Variants in PRR5L observed in about 807,000 individuals in gnomAD.
PRR5L encodes proline rich 5 like.
PRR5L carries 21 observed loss-of-function variants against 36.4 expected under a neutral mutation model. That is an observed-to-expected ratio of 0.58 (90% confidence interval 0.41 to 0.83). PRR5L has a LOEUF of 0.83. PRR5L is among the 40% of genes least tolerant of loss of function. The probability of loss-of-function intolerance (pLI) is 0.00; values close to 1 mark genes in which losing one functional copy is unlikely to be tolerated. For missense variants in PRR5L, 381 were observed against 473.3 expected (o/e 0.80, Z 1.81); for synonymous variants, 188 against 197.0 (o/e 0.95, Z 0.38).
At chr11:36,359,246 A>G (rs1468851490) in intron 1 of PRR5L, among the ~76,000 whole-genome samples, 1 of 152,230 alleles carries the variant, frequency 6.6e-6, no homozygotes, top group Admixed American at 6.5e-5. Flanking sequence ...TGAGAATAGA[A>G]GGATGTTCTG....
intron 3 of PRR5L, among the ~76,000 whole-genome samples, chr11:36,408,232 A>C (rs1256483199): frequency 1.3e-5 from 2 of 151,808 alleles, no homozygotes; most frequent in African/African-American, 2.4e-5. Context: ...GTGAGCCAAG[A>C]TCGTGCCACA....
At chr11:36,424,629 G>A (rs7107829) in intron 4 of PRR5L, among the ~76,000 whole-genome samples, 80,122 of 152,006 alleles carry the variant, frequency 0.53, 21,720 homozygotes, top group Non-Finnish European at 0.58. Flanking sequence ...CTCTTGAAGA[G>A]CTATAAGGAG....
At chr11:36,458,218 G>T (rs542483533) in intron 8 of PRR5L, among the ~76,000 whole-genome samples, 1 of 152,292 alleles carries the variant, frequency 6.6e-6, no homozygotes, top group Non-Finnish European at 1.5e-5. Context: ...ACTTCAGTGG[G>T]TGGGCTGCTT....
chr11:36,430,189 C>A (rs1289659705), intron 4 of PRR5L, among the ~76,000 whole-genome samples: 1 of 152,140 alleles, frequency 6.6e-6, no homozygotes, highest in Non-Finnish European at 1.5e-5. Context: ...GTGGGCAGAT[C>A]ACTTAAGGTC....
At chr11:36,349,154 G>A (rs903290418) in intron 1 of PRR5L, among the ~76,000 whole-genome samples, 11 of 151,784 alleles carry the variant, frequency 7.2e-5, no homozygotes, top group African/African-American at 2.2e-4. Flanking sequence ...GCATGGTGGC[G>A]GGCGCCTGTA....
At chr11:36,308,534 G>A (rs754200617) in intron 1 of PRR5L, among the ~76,000 whole-genome samples, 11 of 152,128 alleles carry the variant, frequency 7.2e-5, no homozygotes, top group Non-Finnish European at 1.5e-4. Flanking sequence ...TCTCCTCCTC[G>A]CAGCTTATGG....
At chr11:36,372,545 A>G (rs1224486360) in intron 1 of PRR5L, among the ~76,000 whole-genome samples, 1 of 152,216 alleles carries the variant, frequency 6.6e-6, no homozygotes, top group Non-Finnish European at 1.5e-5. Context: ...CTGCTTGCTC[A>G]TAGCTCTGGC....
chr11:36,336,056 T>G (rs1042560222), intron 1 of PRR5L, among the ~76,000 whole-genome samples: 2 of 152,174 alleles, frequency 1.3e-5, no homozygotes, highest in Non-Finnish European at 2.9e-5. Context: ...AGCACCAGCC[T>G]GGACAACCCT....
At chr11:36,339,754 G>A (rs1237767190) in intron 1 of PRR5L, among the ~76,000 whole-genome samples, 4 of 152,186 alleles carry the variant, frequency 2.6e-5, no homozygotes, top group Non-Finnish European at 4.4e-5. Flanking sequence ...GAAAACAATG[G>A]TGGTCTCATA....
Position 36,462,695 on chromosome 11 carries a change from A to G in PRR5L, c.1066A>G (p.Ser356Gly). ...CGGACTGGAGGAGGGGGCCAGGGGC[A>G]GCCAGGAGGGCTCGGAGCTGAACTG... is the stretch of plus-strand genomic sequence containing the variant. The part of the protein sequence containing the change: ...PDGLEEGARG[S>G]QEGSELNCAS... Residue 356 changes from serine (S) to glycine (G), a missense_variant, in exon 9 of 9, where the codon AGC becomes GGC. By Grantham distance (56) the Ser-to-Gly change is moderately conservative (BLOSUM62 0). Transcript: ENST00000530639. 1 of 1,599,396 alleles carries G rather than the reference A, an allele frequency of 6.3e-7. No homozygotes were observed. The highest frequency in any genetic ancestry group is 1.1e-5 in the South Asian group (1 of 88,810).
chr11:36,392,527 A>G lies in PRR5L; in HGVS notation c.-125-8470A>G, dbSNP rs141301639. Among the ~76,000 whole-genome samples the G allele has an allele frequency of 2.5e-3, 378 of 152,304 alleles. 3 individuals carry two copies. The highest frequency in any genetic ancestry group is 8.9e-3 in the African/African-American group (370 of 41,568). On this transcript the variant is annotated intron_variant, in intron 1 of 8. Transcript: ENST00000530639. ...AAGCCATTTTAATTAGGGGGAGATAATATCTCATTGTAGTTTTGATTTGCA... is the reference window on the plus strand; with the variant it reads ...AAGCCATTTTAATTAGGGGGAGATAGTATCTCATTGTAGTTTTGATTTGCA...
chr11:36,428,549 C>T lies in PRR5L; in HGVS notation c.295-3304C>T, dbSNP rs543080742. On this transcript the variant is annotated intron_variant, in intron 4 of 8. Coordinates refer to ENST00000530639, the MANE Select transcript of PRR5L (RefSeq NM_001160167.2). Reference sequence around the variant, plus strand: ...TCCATTGGGTGGATGGCAGTGGTTCCCCAGTGAAGAGAGTCCTGGGGCTTG... The same window carrying T: ...TCCATTGGGTGGATGGCAGTGGTTCTCCAGTGAAGAGAGTCCTGGGGCTTG... Among the ~76,000 whole-genome samples, 6 of 152,202 alleles carry T rather than the reference C, an allele frequency of 3.9e-5. No homozygotes were observed. The East Asian group carries it at 1.2e-3, about 29-fold the overall frequency.
At chr11:36,378,252 CT>C (rs1857311575) in intron 1 of PRR5L, among the ~76,000 whole-genome samples, 1 of 152,190 alleles carries the variant, frequency 6.6e-6, no homozygotes. Context: ...AATTTAGCCC[CT>C]GGTAAGGTTC....
At chr11:36,421,529 C>G (rs1702853258) in intron 4 of PRR5L, among the ~76,000 whole-genome samples, 2 of 152,092 alleles carry the variant, frequency 1.3e-5, no homozygotes, top group Admixed American at 6.5e-5. Flanking sequence ...CTCCTAGATA[C>G]AGTTTTGTTT....
intron 1 of PRR5L, among the ~76,000 whole-genome samples, chr11:36,353,922 C>A (rs1857000894): frequency 6.6e-6 from 1 of 152,028 alleles, no homozygotes; most frequent in Admixed American, 6.5e-5. Context: ...AAATGAGAGA[C>A]CATTTCTAGG....
At chr11:36,339,500 C>T (rs1292257965) in intron 1 of PRR5L, among the ~76,000 whole-genome samples, 1 of 152,220 alleles carries the variant, frequency 6.6e-6, no homozygotes, top group Non-Finnish European at 1.5e-5. Context: ...AACATATTCA[C>T]AATAATATTT....
At chr11:36,390,376 A>G (rs1857542137) in intron 1 of PRR5L, among the ~76,000 whole-genome samples, 1 of 152,218 alleles carries the variant, frequency 6.6e-6, no homozygotes, top group Non-Finnish European at 1.5e-5. Flanking sequence ...CAGAGTGGTG[A>G]GAAGTGAGCC....
chr11:36,312,833 C>A (rs1028843945), intron 1 of PRR5L, among the ~76,000 whole-genome samples: 3 of 152,260 alleles, frequency 2.0e-5, no homozygotes, highest in African/African-American at 7.2e-5. Flanking sequence ...GTGAGGATTA[C>A]AGACCCTGAC....
chr11:36,411,396 G>A (rs1168495856), intron 3 of PRR5L, among the ~76,000 whole-genome samples: 1 of 152,202 alleles, frequency 6.6e-6, no homozygotes, highest in Non-Finnish European at 1.5e-5. Context: ...CTGGGGTGGT[G>A]TCTCAGCTGG....
Sources: allele counts gnomAD v4.1 joint callset (sites outside exome capture counted in the v4.1 genomes callset), GRCh38; gene constraint gnomAD v4.1.1; transcripts MANE v1.5; gene names NCBI Gene and HGNC (gene_info 2026-07-23, HGNC 2026-07-21).